The following STIM1 variants were observed in gnomAD, a reference collection of about 807,000 sequenced individuals.
The protein encoded by STIM1 is stromal interaction molecule 1.
A neutral mutation model predicts 74.7 loss-of-function variants in STIM1; 25 were observed. That is an observed-to-expected ratio of 0.33 (90% CI 0.24 to 0.47). The LOEUF is 0.47. Among genes scored for constraint, STIM1 ranks in the 20% least tolerant of loss-of-function variants. STIM1 has a pLI of 1.00. For synonymous variants in STIM1, 328 were observed against 348.8 expected (o/e 0.94, Z 0.66); for missense variants, 728 against 920.8 (o/e 0.79, Z 2.71).
At chr11:3,946,817 G>A (rs1268962533) in intron 1 of STIM1, among the ~76,000 whole-genome samples, 1 of 152,288 alleles carries the variant, frequency 6.6e-6, no homozygotes, top group South Asian at 2.1e-4. Context: ...AGTGGCCCAT[G>A]AGGTTAGAAG....
chr11:3,883,261 G>A (rs193270106), intron 1 of STIM1, among the ~76,000 whole-genome samples: 141 of 152,032 alleles, frequency 9.3e-4, no homozygotes, highest in African/African-American at 3.4e-3. Context: ...CACTTCCTCC[G>A]AGAAGCTCTC....
chr11:4,000,758 G>A (rs2093708004), intron 2 of STIM1, among the ~76,000 whole-genome samples: 1 of 152,230 alleles, frequency 6.6e-6, no homozygotes, highest in African/African-American at 2.4e-5. Context: ...TGAGTTGAGA[G>A]AAGAAGGCTT....
intron 1 of STIM1, among the ~76,000 whole-genome samples, chr11:3,923,434 C>T (rs1362381663): frequency 6.6e-6 from 1 of 151,938 alleles, no homozygotes; most frequent in South Asian, 2.1e-4. Flanking sequence ...CATGATGAAA[C>T]TCTGTCTCTA....
intron 3 of STIM1, among the ~76,000 whole-genome samples, chr11:4,027,203 A>G (rs560761533): frequency 6.6e-6 from 1 of 152,332 alleles, no homozygotes; most frequent in East Asian, 1.9e-4. Context: ...ACAACATTGA[A>G]TAATTAAGTA....
chr11:4,017,078 C>T (rs1187898069), intron 2 of STIM1, among the ~76,000 whole-genome samples: 1 of 152,202 alleles, frequency 6.6e-6, no homozygotes, highest in Non-Finnish European at 1.5e-5. Flanking sequence ...ATGGGCTGCA[C>T]CCACTGTCCA....
intron 2 of STIM1, among the ~76,000 whole-genome samples, chr11:3,997,580 A>G (rs2093674369): frequency 6.6e-6 from 1 of 152,208 alleles, no homozygotes; most frequent in Non-Finnish European, 1.5e-5. Flanking sequence ...ATAGTCACTG[A>G]CACATAATCC....
At chr11:4,051,250 A>C (rs1238080809) in intron 3 of STIM1, among the ~76,000 whole-genome samples, 1 of 152,194 alleles carries the variant, frequency 6.6e-6, no homozygotes, top group East Asian at 1.9e-4. Context: ...CTGTATTCTT[A>C]TATATCTAGA....
intron 12 of STIM1, chr11:4,086,901 T>C (rs1420844413): frequency 1.3e-6 from 2 of 1,505,696 alleles, no homozygotes; most frequent in Admixed American, 2.0e-5. Context: ...CTTCCTTCCC[T>C]TTCTGCTGCT....
chr11:3,930,107 T>G (rs7950153), intron 1 of STIM1, among the ~76,000 whole-genome samples: 1 of 151,946 alleles, frequency 6.6e-6, no homozygotes, highest in Non-Finnish European at 1.5e-5. Context: ...CAAGTGGAAA[T>G]GCTTAGCATT....
intron 2 of STIM1, among the ~76,000 whole-genome samples, chr11:3,995,472 TTGAC>T (rs2093654935): frequency 6.6e-6 from 1 of 152,198 alleles, no homozygotes. Context: ...GGGCAGAACT[TTGAC>T]TGTCTCTTTC....
intron 1 of STIM1, among the ~76,000 whole-genome samples, chr11:3,879,318 A>G (rs536930644): frequency 6.6e-6 from 1 of 152,096 alleles, no homozygotes; most frequent in South Asian, 2.1e-4. Context: ...AAACCCTCCA[A>G]TCCTGTTCAT....
chr11:3,925,137 C>A (rs1489475370), intron 1 of STIM1, among the ~76,000 whole-genome samples: 2 of 152,222 alleles, frequency 1.3e-5, no homozygotes, highest in African/African-American at 4.8e-5. Flanking sequence ...TGGCTCACGC[C>A]TGTAATCCCA....
chr11:3,895,734 CTTTT>C (rs370864245), intron 1 of STIM1, among the ~76,000 whole-genome samples: 4 of 36,048 alleles, frequency 1.1e-4, no homozygotes, highest in Admixed American at 9.3e-4. Context: ...TTCTTTCTTT[CTTTT>C]TCTTTCTTCC....
intron 1 of STIM1, among the ~76,000 whole-genome samples, chr11:3,933,239 G>A (rs150107605): frequency 4.7e-4 from 72 of 152,300 alleles, no homozygotes; most frequent in African/African-American, 1.6e-3. Context: ...ATGGGACCAC[G>A]TTTCCCCAAT....
chr11:4,002,633 C>T (rs1386180306), intron 2 of STIM1, among the ~76,000 whole-genome samples: 1 of 149,666 alleles, frequency 6.7e-6, no homozygotes, highest in African/African-American at 2.5e-5. Flanking sequence ...CAAGAGAAAG[C>T]AGGAAAGATC....
At chr11:3,974,563 C>A (rs1479844452) in intron 2 of STIM1, among the ~76,000 whole-genome samples, 3 of 148,254 alleles carry the variant, frequency 2.0e-5, no homozygotes, top group Non-Finnish European at 1.5e-5. Context: ...CTAAAAGAGA[C>A]TTTTTAAGAG....
chr11:3,958,761 G>A (rs2093249352), intron 1 of STIM1, among the ~76,000 whole-genome samples: 1 of 152,008 alleles, frequency 6.6e-6, no homozygotes, highest in South Asian at 2.1e-4. Context: ...CCTCAGGTCA[G>A]GAGTTTGAGA....
At chr11:3,888,255 T>C (rs2091788883) in intron 1 of STIM1, 1 of 152,226 alleles carries the variant, frequency 6.6e-6, no homozygotes, top group East Asian at 1.9e-4. Context: ...TTCACATAGC[T>C]TGTTTTTCAT....
chr11:3,992,544 A>G (rs1469957025), intron 2 of STIM1, among the ~76,000 whole-genome samples: 1 of 152,082 alleles, frequency 6.6e-6, no homozygotes, highest in Non-Finnish European at 1.5e-5. Flanking sequence ...ATTTGAAAAT[A>G]TTTTCTCCCA....
Sources: allele counts gnomAD v4.1 joint callset (sites outside exome capture counted in the v4.1 genomes callset), GRCh38; gene constraint gnomAD v4.1.1; transcripts MANE v1.5; gene names NCBI Gene and HGNC (gene_info 2026-07-23, HGNC 2026-07-21).